ATP5MJ: variants seen among roughly 807,000 people sequenced by gnomAD.
The protein encoded by ATP5MJ is ATP synthase F(0) complex subunit j, mitochondrial.
Under a neutral mutation model 8.3 loss-of-function variants are expected in ATP5MJ, and 4 were observed. The observed-to-expected ratio is 0.48, with a 90% CI of 0.24 to 1.11. The LOEUF is 1.11. Ranked by LOEUF, ATP5MJ falls within the 50% of genes least tolerant of loss-of-function variation. The pLI is 0.18. For missense variants in ATP5MJ, 66 were observed against 71.8 expected, an observed-to-expected ratio of 0.92 and a Z score of 0.29; for synonymous variants, 23 against 21.3, an observed-to-expected ratio of 1.08 and a Z score of -0.23.
chr14:103,912,337 AGT>A lies in ATP5MJ; in HGVS notation c.*327_*328del, dbSNP rs1363632445. On this transcript the variant is annotated 3_prime_UTR_variant, in exon 4 of 4. Coordinates refer to ENST00000286953, the MANE Select transcript of ATP5MJ (RefSeq NM_004894.3). ...AACGTTTATTGAGCAGTAGAATACA[AGT>A]GAGTGCCTGGATCCTGATCACCAAG... The A allele has an allele frequency of 3.3e-6, 1 of 304,104 alleles. No individual in the cohort carries two copies. Among genetic ancestry groups the A allele is most frequent in the African/African-American group, 2.1e-5 (1 of 47,276 alleles). The allele number at this position is 304,104 out of a possible 1,614,324, so 18.8% of individuals were successfully genotyped here. A position where few individuals can be genotyped will look rare whatever the true frequency, so the allele number is the denominator to read the frequency against.
intron 3 of ATP5MJ, chr14:103,913,334 C>G (rs2087595988): frequency 6.7e-6 from 1 of 150,114 alleles, no homozygotes; most frequent in Non-Finnish European, 1.5e-5. Context: ...AAAAAAAAAC[C>G]CAAAAAACAA....
At chr14:103,914,019 TC>T in intron 2 of ATP5MJ, 35 bp from the exon 3 acceptor site, 1 of 1,581,248 alleles carries the variant, frequency 6.3e-7, no homozygotes, top group Admixed American at 1.8e-5. Flanking sequence ...AGCAGTCATA[TC>T]AATGCTTTAC....
chr14:103,914,789 A>C, intron 2 of ATP5MJ: 1 of 472,962 alleles, frequency 2.1e-6, no homozygotes, highest in Non-Finnish European at 3.6e-6. Context: ...GTGAACCATG[A>C]TCGTGCCATT....
rs539232816 is a variant in ATP5MJ, at chr14:103,912,756, T to G, written c.149-62A>C. ...AAGGAAGGAACAAGTTGGATGTAATTTATTAAACAAGTATCAAAAGAAGTT... is the reference window on the plus strand; with the variant it reads ...AAGGAAGGAACAAGTTGGATGTAATGTATTAAACAAGTATCAAAAGAAGTT... On this transcript the variant is annotated intron_variant, in intron 3 of 3. Transcript: ENST00000286953. 9 of 1,517,572 alleles carry G rather than the reference T, an allele frequency of 5.9e-6. No homozygotes were observed. The South Asian group carries it at 9.1e-5, about 15-fold the overall frequency. 94.0% of individuals were successfully genotyped at this position (1,517,572 alleles called of 1,614,324 possible). A position where few individuals can be genotyped will look rare whatever the true frequency, so the allele number is the denominator to read the frequency against.
At chr14:103,916,606 C>A (rs2087627662) in intron 1 of ATP5MJ, among the ~76,000 whole-genome samples, 1 of 152,034 alleles carries the variant, frequency 6.6e-6, no homozygotes, top group Non-Finnish European at 1.5e-5. Context: ...GTGGTGCTTG[C>A]CTGGCTAATT....
In ATP5MJ at chr14:103,912,315, G is replaced by T; in HGVS notation, c.*351C>A. The stretch of plus-strand genomic sequence containing the variant: ...AGTAGCAGGATCAAGTTTAATAAAC[G>T]TTTATTGAGCAGTAGAATACAAGTG... On this transcript the variant is annotated 3_prime_UTR_variant, in exon 4 of 4. Transcript: ENST00000286953. 4.3e-6 allele frequency: 1 copy of T among 234,432 alleles called. No homozygotes were observed. Among genetic ancestry groups the T allele is most frequent in the Non-Finnish European group, 8.2e-6 (1 of 121,764 alleles). 14.5% of individuals were successfully genotyped at this position (234,432 alleles called of 1,614,324 possible). A position where few individuals can be genotyped will look rare whatever the true frequency, so the allele number is the denominator to read the frequency against.
Position 103,913,968 on chromosome 14 carries a change from A to G in ATP5MJ, c.141T>C (p.Ala47=). The change falls in exon 3 of 4, where the codon GCT becomes GCC. Residue 47 remains alanine (A), a synonymous_variant. Transcript: ENST00000286953. ...CAGAAGCAAAAATCTTACCTTTCAA[A>G]GCCTTACTTCTTTTATCTAAAATAA... is the stretch of plus-strand genomic sequence containing the variant. ...KIRAADKRSK[A]LKASAPAPGH... The G allele has an allele frequency of 1.9e-6, 3 of 1,611,984 alleles. No individual in the cohort carries two copies. Among genetic ancestry groups the G allele is most frequent in the Non-Finnish European group, 2.5e-6 (3 of 1,178,852 alleles).
intron 2 of ATP5MJ, chr14:103,914,232 A>G (rs2087604721): frequency 5.3e-6 from 3 of 564,898 alleles, no homozygotes; most frequent in African/African-American, 1.9e-5. Flanking sequence ...CTTGCAGCAT[A>G]AAGTTTTCTC....
At position 103,915,088 on chromosome 14, in the gene ATP5MJ, G is replaced by T. The variant is rs768613036; in HGVS notation, c.102C>A (p.Ile34=). ...IWIGMGLMGF[I]VYKIRAADKR... ...TACCAGCAGCCCGGATTTTATAAAC[G>T]ATGAAGCCCATCAGCCCCATTCCTA... The change falls in exon 2 of 4, where the codon ATC becomes ATA. Residue 34 remains isoleucine, a synonymous_variant. Transcript: ENST00000286953. The T allele has an allele frequency of 6.2e-7, 1 of 1,614,014 alleles. No homozygotes were observed. Among genetic ancestry groups the T allele is most frequent in the African/African-American group, 1.3e-5 (1 of 75,008 alleles).
chr14:103,913,878 A>G lies in ATP5MJ; in HGVS notation c.148+83T>C, dbSNP rs372478179. The G allele has an allele frequency of 3.6e-5, 54 of 1,501,268 alleles. No homozygotes were observed. The African/African-American group carries it at 6.8e-4, about 19-fold the overall frequency. 93.0% of individuals were successfully genotyped at this position (1,501,268 alleles called of 1,614,324 possible). On this transcript the variant is annotated intron_variant, in intron 3 of 3. Coordinates refer to ENST00000286953, the MANE Select transcript of ATP5MJ (RefSeq NM_004894.3). Reference sequence around the variant, plus strand: ...TATACTGAACTGTGTTTCGATTTCAATTGAGAACAACGATATACCTTGTCC... The same window carrying G: ...TATACTGAACTGTGTTTCGATTTCAGTTGAGAACAACGATATACCTTGTCC...
intron 3 of ATP5MJ, chr14:103,912,963 T>C: frequency 2.2e-6 from 1 of 459,762 alleles, no homozygotes; most frequent in Non-Finnish European, 3.9e-6. Flanking sequence ...TAGCCAGTCC[T>C]GGGTTTGTGT....
intron 1 of ATP5MJ, among the ~76,000 whole-genome samples, chr14:103,916,082 G>GT (rs199787171): frequency 0.015 from 2,302 of 152,310 alleles, 57 homozygotes; most frequent in African/African-American, 0.053. Context: ...CTGATCAGCT[G>GT]TATCTCCATC....
At chr14:103,914,695 C>T (rs1042171887) in intron 2 of ATP5MJ, 12 of 562,518 alleles carry the variant, frequency 2.1e-5, no homozygotes, top group Non-Finnish European at 3.1e-5. Flanking sequence ...GGCATAGTGA[C>T]GGGCACCTGT....
intron 1 of ATP5MJ, among the ~76,000 whole-genome samples, chr14:103,918,329 G>A (rs997444208): frequency 6.6e-6 from 1 of 151,926 alleles, no homozygotes; most frequent in African/African-American, 2.4e-5. Flanking sequence ...TCTCAACTGT[G>A]GGCAAGTCCC....
intron 2 of ATP5MJ, chr14:103,914,399 C>A: frequency 5.3e-6 from 3 of 560,816 alleles, no homozygotes; most frequent in Non-Finnish European, 9.6e-6. Flanking sequence ...TACCACATAC[C>A]ATGAACCCAT....
intron 1 of ATP5MJ, among the ~76,000 whole-genome samples, chr14:103,915,602 C>T (rs2087619359): frequency 6.6e-6 from 1 of 152,032 alleles, no homozygotes; most frequent in African/African-American, 2.4e-5. Context: ...CTTGCTTTGG[C>T]CTCCCAAAGT....
chr14:103,917,458 CTT>C (rs11397437), intron 1 of ATP5MJ, among the ~76,000 whole-genome samples: 9 of 146,332 alleles, frequency 6.2e-5, no homozygotes, highest in Admixed American at 2.7e-4. Context: ...AATTTAACAA[CTT>C]TTTTTTTTTT....
rs1160878371 is a variant in ATP5MJ at position 103,912,325 on chromosome 14, CAGT to C, written c.*338_*340del. ...TCAAGTTTAATAAACGTTTATTGAG[CAGT>C]AGAATACAAGTGAGTGCCTGGATCC... On this transcript the variant is annotated 3_prime_UTR_variant, in exon 4 of 4. Transcript: ENST00000286953. The C allele has an allele frequency of 2.3e-5, 6 of 261,528 alleles. No individual in the cohort carries two copies. The highest frequency in any genetic ancestry group is 2.1e-4 in the Admixed American group (4 of 19,342). 16.2% of individuals were successfully genotyped at this position (261,528 alleles called of 1,614,324 possible).
In ATP5MJ at chr14:103,914,837, C is replaced by CAAAAAGAAA. The variant is rs370479683; in HGVS notation, c.124+228_124+229insTTTCTTTTT. 8.7e-4 allele frequency: 167 copies of CAAAAAGAAA among 191,036 alleles called. No individual in the cohort carries two copies. In the African/African-American group the frequency reaches 9.2e-3, roughly 11 times the overall value. 11.8% of individuals were successfully genotyped at this position (191,036 alleles called of 1,614,324 possible). ...GGGCGTCAGAGTGAGAGACTGTCTC[C>CAAAAAGAAA]AAAAAAAAAAAAAAAAAAAAGAAAA... On this transcript the variant is annotated intron_variant, in intron 2 of 3. Transcript: ENST00000286953.
Sources: gnomAD v4.1 joint callset for allele counts (sites outside exome capture counted in the v4.1 genomes callset) on GRCh38, gnomAD v4.1.1 for gene constraint, MANE v1.5 for transcripts, NCBI Gene and HGNC (gene_info 2026-07-23, HGNC 2026-07-21) for gene names.